MGST2: variants seen among roughly 807,000 people sequenced by gnomAD.
MGST2 encodes microsomal glutathione S-transferase 2, also known as glutathione peroxidase MGST2.
A neutral mutation model predicts 16.6 loss-of-function variants in MGST2; 9 were observed. The observed-to-expected ratio is 0.54, with a 90% CI of 0.33 to 0.95. The LOEUF is 0.95. Among genes scored for constraint, MGST2 ranks in the 40% least tolerant of loss-of-function variants. MGST2 has a pLI of 0.03. For synonymous variants in MGST2, 79 were observed against 68.0 expected, an observed-to-expected ratio of 1.16 and a Z score of -0.79; for missense variants, 159 against 175.1, an observed-to-expected ratio of 0.91 and a Z score of 0.52.
At chr4:139,672,349 G>A (rs539705969) in intron 1 of MGST2, among the ~76,000 whole-genome samples, 136 of 152,288 alleles carry the variant, frequency 8.9e-4, no homozygotes, top group Middle Eastern at 3.4e-3. Context: ...CATGTTAGAA[G>A]CAATGGTAAT....
chr4:139,707,440 C>A (rs572955344), downstream of MGST2, among the ~76,000 whole-genome samples: 1 of 152,024 alleles, frequency 6.6e-6, no homozygotes, highest in East Asian at 1.9e-4. Context: ...TTTTCTTAAT[C>A]CAGTCTATCA....
chr4:139,729,174 AAAAAAG>A (rs1211816737), intron 5 of MGST2, among the ~76,000 whole-genome samples: 1 of 151,538 alleles, frequency 6.6e-6, no homozygotes, highest in African/African-American at 2.4e-5. Flanking sequence ...AAAAAAAAAA[AAAAAAG>A]GGAACATAAG....
intron 2 of MGST2, among the ~76,000 whole-genome samples, chr4:139,682,994 T>C (rs868790457): frequency 3.9e-5 from 6 of 152,160 alleles, no homozygotes; most frequent in Admixed American, 6.5e-5. Flanking sequence ...CTGCACAAGG[T>C]TCGAACTTCC....
chr4:139,730,707 T>G, intron 5 of MGST2: 4 of 1,567,774 alleles, frequency 2.6e-6, no homozygotes, highest in Non-Finnish European at 3.5e-6. Flanking sequence ...GGATTCCCCA[T>G]AGAGACTCAC....
At chr4:139,745,464 G>A (rs776485781), downstream of MGST2, among the ~76,000 whole-genome samples, 2 of 152,192 alleles carry the variant, frequency 1.3e-5, no homozygotes, top group Non-Finnish European at 2.9e-5. Flanking sequence ...GAGGTGAGGG[G>A]AAGCTGGCTG....
At chr4:139,666,221 C>T (rs964279497) in intron 1 of MGST2, 144 bp downstream of exon 1, 2 of 832,282 alleles carry the variant, frequency 2.4e-6, no homozygotes, top group East Asian at 5.2e-5. Flanking sequence ...TCTGGGTCCT[C>T]AGAGCACAGT....
rs34414569 is a variant in MGST2, at chr4:139,688,593, G to A, written c.159-6604G>A. Among the ~76,000 whole-genome samples, 1,510 of 151,670 alleles carry A rather than the reference G, an allele frequency of 1.0e-2. 13 individuals are homozygous for A. The highest frequency in any genetic ancestry group is 0.016 in the Non-Finnish European group (1,105 of 67,934). ...CTGAAATTTGGAAATTAAAACTAGTGACCTTAATGCATGTCTAAAAACTAT... is the reference window on the plus strand; with the variant it reads ...CTGAAATTTGGAAATTAAAACTAGTAACCTTAATGCATGTCTAAAAACTAT... On this transcript the variant is annotated intron_variant, in intron 2 of 4. Transcript: ENST00000265498.
chr4:139,711,835 G>A (rs1356308687), intron 5 of MGST2, among the ~76,000 whole-genome samples: 3 of 152,084 alleles, frequency 2.0e-5, no homozygotes, highest in Non-Finnish European at 4.4e-5. Flanking sequence ...TTAATCCTAA[G>A]GGTTGCAGAG....
At chr4:139,689,886 C>T (rs1726469395) in intron 2 of MGST2, among the ~76,000 whole-genome samples, 1 of 152,196 alleles carries the variant, frequency 6.6e-6, no homozygotes, top group African/African-American at 2.4e-5. Context: ...AGAAGTCTCC[C>T]AAGTGATGTG....
At chr4:139,667,241 C>A (rs563256478) in intron 1 of MGST2, among the ~76,000 whole-genome samples, 277 of 152,196 alleles carry the variant, frequency 1.8e-3, no homozygotes, top group African/African-American at 6.4e-3. Flanking sequence ...TCACGATGTA[C>A]GGAGAAACCT....
downstream of MGST2, among the ~76,000 whole-genome samples, chr4:139,708,741 G>A (rs765138828): frequency 7.9e-5 from 12 of 152,156 alleles, no homozygotes; most frequent in African/African-American, 2.7e-4. Flanking sequence ...GGTGGCTCAC[G>A]CCTGTAATCC....
intron 5 of MGST2, chr4:139,717,166 A>C (rs1473125920): frequency 6.6e-6 from 1 of 152,572 alleles, no homozygotes; most frequent in Non-Finnish European, 1.5e-5. Flanking sequence ...GTAAAAACAA[A>C]ACCAAAACAA....
chr4:139,702,691 C>T (rs1420426893), intron 3 of MGST2, among the ~76,000 whole-genome samples: 3 of 151,900 alleles, frequency 2.0e-5, no homozygotes, highest in Non-Finnish European at 4.4e-5. Flanking sequence ...TGGGTAAATA[C>T]ATAGGAATGA....
chr4:139,697,479 C>T (rs996188560), intron 3 of MGST2, among the ~76,000 whole-genome samples: 1 of 152,208 alleles, frequency 6.6e-6, no homozygotes, highest in Admixed American at 6.5e-5. Flanking sequence ...AAACTTCTTT[C>T]TAAAATTATC....
intron 1 of MGST2, among the ~76,000 whole-genome samples, chr4:139,677,412 CATAG>C (rs958091380): frequency 7.0e-4 from 106 of 152,098 alleles, no homozygotes; most frequent in African/African-American, 2.3e-3. Context: ...GCTTCCAGGT[CATAG>C]ATAGATAAGA....
At chr4:139,730,230 A>T in intron 5 of MGST2, 1 of 618,488 alleles carries the variant, frequency 1.6e-6, no homozygotes, top group South Asian at 2.0e-5. Context: ...AAATTAATTC[A>T]TTATAGGAAA....
In MGST2 at chr4:139,732,590, T is replaced by G. The variant is rs544357875; in HGVS notation, c.*49-7622T>G. 8.3e-3 allele frequency among the ~76,000 whole-genome samples: 1,148 copies of G among 138,236 alleles called. 11 individuals carry two copies. Among genetic ancestry groups the G allele is most frequent in the African/African-American group, 0.028 (1,041 of 37,590 alleles). The allele number at this position is 138,236 out of a possible 152,430, so 90.7% of individuals were successfully genotyped here. On this transcript the variant is annotated intron_variant, in intron 5 of 5. Coordinates refer to the MGST2 transcript ENST00000616265. ...ACTAGAACGCTATTTTTTTTTTTTTTGTAACAGATAGCTTGTCTTTACTTT... is the reference window on the plus strand; with the variant it reads ...ACTAGAACGCTATTTTTTTTTTTTTGGTAACAGATAGCTTGTCTTTACTTT...
At chr4:139,691,690 TGATG>T (rs1307710691) in intron 2 of MGST2, among the ~76,000 whole-genome samples, 4,019 of 148,496 alleles carry the variant, frequency 0.027, 149 homozygotes, top group East Asian at 0.16. Context: ...ATGATGATGA[TGATG>T]ATGATTATTA....
the MGST2 span, among the ~76,000 whole-genome samples, chr4:139,746,171 G>A: frequency 2.0e-5 from 3 of 152,138 alleles, no homozygotes; most frequent in Non-Finnish European, 2.9e-5. Context: ...CGGTCTTATT[G>A]CTAAATCTTG....
Sources: allele counts gnomAD v4.1 joint callset (sites outside exome capture counted in the v4.1 genomes callset), GRCh38; gene constraint gnomAD v4.1.1; transcripts MANE v1.5; gene names NCBI Gene and HGNC (gene_info 2026-07-23, HGNC 2026-07-21).